The following MIS18A variants were observed in gnomAD, a reference collection of about 807,000 sequenced individuals.
The protein encoded by MIS18A is MIS18 kinetochore protein A.
MIS18A carries 14 observed loss-of-function variants against 25.0 expected under a neutral mutation model. That is an observed-to-expected ratio of 0.56 (90% CI 0.37 to 0.88). The LOEUF (loss-of-function observed/expected upper bound fraction) is 0.88. Ranked by LOEUF, MIS18A falls within the 40% of genes least tolerant of loss-of-function variation. The probability of loss-of-function intolerance (pLI) is 0.00; values close to 1 mark genes in which losing one functional copy is unlikely to be tolerated. For missense variants in MIS18A, 292 were observed against 290.8 expected (o/e 1.00, Z -0.03); for synonymous variants, 134 against 118.6 (o/e 1.13, Z -0.84).
At chr21:32,158,899 ATC>A in the MIS18A span, among the ~76,000 whole-genome samples, 1 of 152,212 alleles carries the variant, frequency 6.6e-6, no homozygotes, top group Non-Finnish European at 1.5e-5. Context: ...TATCCTAAAT[ATC>A]TCTCTTCCTT....
chr21:32,230,961 G>A, the MIS18A span, among the ~76,000 whole-genome samples: 53 of 152,006 alleles, frequency 3.5e-4, no homozygotes, highest in Non-Finnish European at 6.8e-4. Context: ...CAGGCTGGGC[G>A]CAGTGGCTCA....
the MIS18A span, among the ~76,000 whole-genome samples, chr21:32,172,236 T>G: frequency 6.6e-6 from 1 of 152,076 alleles, no homozygotes; most frequent in African/African-American, 2.4e-5. Context: ...GTATGTAGAT[T>G]CTTCTAAAAA....
chr21:32,258,609 T>A, the MIS18A span, among the ~76,000 whole-genome samples: 1 of 152,110 alleles, frequency 6.6e-6, no homozygotes, highest in Non-Finnish European at 1.5e-5. Flanking sequence ...CTTTACAGCA[T>A]GTCAAACAGT....
At chr21:32,224,704 CAA>C in the MIS18A span, among the ~76,000 whole-genome samples, 1 of 132,864 alleles carries the variant, frequency 7.5e-6, no homozygotes, top group Non-Finnish European at 1.6e-5. Context: ...CCATACTGCC[CAA>C]GGTAATTTAC....
At chr21:32,162,189 C>T in the MIS18A span, among the ~76,000 whole-genome samples, 1 of 152,074 alleles carries the variant, frequency 6.6e-6, no homozygotes. Context: ...ACCATCGCAG[C>T]GAGCTCTCAA....
chr21:32,159,978 A>G, the MIS18A span, among the ~76,000 whole-genome samples: 1 of 152,184 alleles, frequency 6.6e-6, no homozygotes, highest in African/African-American at 2.4e-5. Flanking sequence ...TATCTCCTGG[A>G]TCTGAGAAGG....
At chr21:32,184,019 G>C in the MIS18A span, among the ~76,000 whole-genome samples, 1 of 152,150 alleles carries the variant, frequency 6.6e-6, no homozygotes, top group African/African-American at 2.4e-5. Flanking sequence ...GAGTCTCAGG[G>C]ATTTCCGAGT....
chr21:32,250,916 G>A, the MIS18A span, among the ~76,000 whole-genome samples: 6 of 152,202 alleles, frequency 3.9e-5, no homozygotes, highest in African/African-American at 1.2e-4. Flanking sequence ...ACATGTGGCG[G>A]AAGGGATCCA....
the MIS18A span, among the ~76,000 whole-genome samples, chr21:32,193,435 C>A: frequency 6.6e-6 from 1 of 152,064 alleles, no homozygotes; most frequent in Non-Finnish European, 1.5e-5. Flanking sequence ...TACCAAAGTT[C>A]AAGCAATCTG....
the MIS18A span, among the ~76,000 whole-genome samples, chr21:32,166,499 A>G: frequency 6.6e-6 from 1 of 152,196 alleles, no homozygotes; most frequent in Non-Finnish European, 1.5e-5. Context: ...CTCAAAAAAC[A>G]GAAGGATGGA....
At chr21:32,181,689 T>C in the MIS18A span, among the ~76,000 whole-genome samples, 1 of 152,048 alleles carries the variant, frequency 6.6e-6, no homozygotes, top group Non-Finnish European at 1.5e-5. Context: ...GCCTCAATGA[T>C]AGATGGCAGG....
chr21:32,181,324 G>C, the MIS18A span, among the ~76,000 whole-genome samples: 2 of 152,234 alleles, frequency 1.3e-5, no homozygotes, highest in East Asian at 3.9e-4. Context: ...GCAGGTAGTA[G>C]ATCGTAGGAC....
At chr21:32,213,073 G>A in the MIS18A span, among the ~76,000 whole-genome samples, 6 of 152,192 alleles carry the variant, frequency 3.9e-5, no homozygotes, top group African/African-American at 1.4e-4. Flanking sequence ...TGCTGGGAGT[G>A]TGAATTGGTA....
chr21:32,165,625 A>G, the MIS18A span, among the ~76,000 whole-genome samples: 6 of 151,954 alleles, frequency 3.9e-5, no homozygotes, highest in African/African-American at 1.5e-4. Context: ...AGGAAAGAAA[A>G]GGGAAAGGAA....
chr21:32,184,996 G>T, the MIS18A span, among the ~76,000 whole-genome samples: 3 of 151,886 alleles, frequency 2.0e-5, no homozygotes, highest in African/African-American at 7.3e-5. Context: ...CACTTCACAG[G>T]TCTGTCATAG....
At chr21:32,232,975 G>T in the MIS18A span, among the ~76,000 whole-genome samples, 1 of 152,182 alleles carries the variant, frequency 6.6e-6, no homozygotes, top group Non-Finnish European at 1.5e-5. Context: ...CATTTTACCT[G>T]GTCCAGCTTT....
At chr21:32,260,173 G>A in the MIS18A span, 5 of 148,066 alleles carry the variant, frequency 3.4e-5, no homozygotes, top group South Asian at 1.1e-3. Flanking sequence ...ACAACATGTT[G>A]GATCTCTGGA....
At chr21:32,186,656 G>A in the MIS18A span, among the ~76,000 whole-genome samples, 2 of 152,164 alleles carry the variant, frequency 1.3e-5, no homozygotes, top group African/African-American at 2.4e-5. Flanking sequence ...AAGAGAGAGC[G>A]CAAGAGTGAG....
chr21:32,222,623 T>C, the MIS18A span, among the ~76,000 whole-genome samples: 1 of 152,068 alleles, frequency 6.6e-6, no homozygotes, highest in South Asian at 2.1e-4. Flanking sequence ...AAATTAGAAA[T>C]CAGGATTAAG....
Sources: gnomAD v4.1 joint callset for allele counts (sites outside exome capture counted in the v4.1 genomes callset) on GRCh38, gnomAD v4.1.1 for gene constraint, MANE v1.5 for transcripts, NCBI Gene and HGNC (gene_info 2026-07-23, HGNC 2026-07-21) for gene names.